ZNF680: variants seen among roughly 807,000 people sequenced by gnomAD.
The protein encoded by ZNF680 is zinc finger protein 680.
Under a neutral mutation model 12.1 loss-of-function variants are expected in ZNF680, and 6 were observed. That is an observed-to-expected ratio of 0.49 (90% CI 0.27 to 0.98). ZNF680 has a LOEUF of 0.98. Among genes scored for constraint, ZNF680 ranks in the 50% least tolerant of loss-of-function variants. The pLI is 0.12. For synonymous variants in ZNF680, 170 were observed against 199.3 expected (o/e 0.85, Z 1.24); for missense variants, 561 against 616.3 (o/e 0.91, Z 0.95).
intron 3 of ZNF680, among the ~76,000 whole-genome samples, chr7:64,535,084 C>T (rs1786089743): frequency 6.6e-6 from 1 of 151,790 alleles, no homozygotes; most frequent in African/African-American, 2.4e-5. Flanking sequence ...ATGAGTGCAC[C>T]AAAATCTAAA....
the ZNF680 span, chr7:64,501,109 G>C: frequency 1.0e-6 from 1 of 975,074 alleles, no homozygotes; most frequent in African/African-American, 1.6e-5. Flanking sequence ...AGGAAAAGCA[G>C]GTGTGAAATG....
chr7:64,531,388 G>A (rs112871256), intron 3 of ZNF680, among the ~76,000 whole-genome samples: 7,502 of 152,134 alleles, frequency 0.049, 469 homozygotes, highest in East Asian at 0.33. Context: ...GAGGTCAGGA[G>A]ATCAAGACCA....
the ZNF680 span, among the ~76,000 whole-genome samples, chr7:64,513,803 A>C: frequency 2.6e-5 from 4 of 151,882 alleles, no homozygotes; most frequent in African/African-American, 9.7e-5. Flanking sequence ...TTGCCACCAC[A>C]CCCAGCTACT....
chr7:64,556,670 TG>T (rs1468811256), intron 1 of ZNF680, among the ~76,000 whole-genome samples: 3 of 152,172 alleles, frequency 2.0e-5, no homozygotes, highest in Admixed American at 6.5e-5. Context: ...AACATACAAT[TG>T]TAAAAAACCC....
intron 1 of ZNF680, among the ~76,000 whole-genome samples, chr7:64,551,103 T>G (rs1787052494): frequency 6.6e-6 from 1 of 152,180 alleles, no homozygotes. Flanking sequence ...CACCATGTCA[T>G]GCATAGTTCA....
At chr7:64,562,336 C>G (rs1389722455) in intron 1 of ZNF680, among the ~76,000 whole-genome samples, 1 of 151,998 alleles carries the variant, frequency 6.6e-6, no homozygotes. Context: ...TGCCAAGTAC[C>G]CTCCGATTAC....
At chr7:64,501,496 T>C in the ZNF680 span, 6 of 819,484 alleles carry the variant, frequency 7.3e-6, no homozygotes, top group South Asian at 4.0e-5. Context: ...AAACAAGCAG[T>C]AGAGATGAAG....
At chr7:64,516,380 C>T (rs181367723), downstream of ZNF680, among the ~76,000 whole-genome samples, 322 of 152,274 alleles carry the variant, frequency 2.1e-3, 3 homozygotes, top group African/African-American at 7.4e-3. Context: ...CAAATAGCTC[C>T]TGTAGGACCT....
the ZNF680 span, among the ~76,000 whole-genome samples, chr7:64,513,343 T>TA: frequency 0.028 from 4,201 of 147,558 alleles, 118 homozygotes; most frequent in African/African-American, 0.064. Context: ...AAGCAAATTG[T>TA]AAAAAAAAAA....
chr7:64,509,809 TCA>T, the ZNF680 span, among the ~76,000 whole-genome samples: 1 of 152,020 alleles, frequency 6.6e-6, no homozygotes, highest in Non-Finnish European at 1.5e-5. Context: ...GCAGCACCTA[TCA>T]TGGTAGCCTG....
chr7:64,554,459 G>A (rs929974460), intron 1 of ZNF680, among the ~76,000 whole-genome samples: 1 of 152,074 alleles, frequency 6.6e-6, no homozygotes, highest in Non-Finnish European at 1.5e-5. Flanking sequence ...AGGTGGGGGG[G>A]CGCCTCTGAC....
the ZNF680 span, among the ~76,000 whole-genome samples, chr7:64,504,153 T>C: frequency 1.3e-5 from 2 of 152,256 alleles, no homozygotes; most frequent in African/African-American, 2.4e-5. Flanking sequence ...TCTATAGTTA[T>C]GCAATACCAA....
At chr7:64,545,652 G>A (rs917510759) in intron 1 of ZNF680, among the ~76,000 whole-genome samples, 6 of 152,100 alleles carry the variant, frequency 3.9e-5, no homozygotes, top group Non-Finnish European at 8.8e-5. Flanking sequence ...CAAAATACAG[G>A]TATCTCCTAT....
chr7:64,538,611 T>A (rs1320954839), intron 3 of ZNF680, among the ~76,000 whole-genome samples: 1 of 152,174 alleles, frequency 6.6e-6, no homozygotes, highest in Admixed American at 6.5e-5. Context: ...CTAGAAAACA[T>A]CAAATCAGTT....
chr7:64,512,141 A>T, the ZNF680 span, among the ~76,000 whole-genome samples: 1 of 150,782 alleles, frequency 6.6e-6, no homozygotes, highest in Non-Finnish European at 1.5e-5. Flanking sequence ...CTCTTCATAA[A>T]TCTTTTCTAA....
At chr7:64,539,798 C>T (rs182036966) in intron 3 of ZNF680, among the ~76,000 whole-genome samples, 156 of 152,254 alleles carry the variant, frequency 1.0e-3, no homozygotes, top group East Asian at 9.7e-4. Flanking sequence ...CAAGTGCACA[C>T]CACCATGCCT....
At chr7:64,531,614 A>C (rs1014578770) in intron 3 of ZNF680, among the ~76,000 whole-genome samples, 25 of 151,564 alleles carry the variant, frequency 1.6e-4, no homozygotes, top group Non-Finnish European at 2.7e-4. Flanking sequence ...AAAAAAAAAA[A>C]ACCTAGAAAT....
chr7:64,526,761 A>G (rs1299475070), intron 3 of ZNF680, among the ~76,000 whole-genome samples: 1 of 152,216 alleles, frequency 6.6e-6, no homozygotes, highest in Non-Finnish European at 1.5e-5. Context: ...AGTTTTTAAC[A>G]TCAACAAAAA....
chr7:64,539,373 A>AAAAAAAAAAAAAAAAAAAAAT (rs1786371698), intron 3 of ZNF680, among the ~76,000 whole-genome samples: 1 of 57,044 alleles, frequency 1.8e-5, no homozygotes, highest in African/African-American at 8.4e-5. Context: ...AAAAAAAAAA[A>AAAAAAAAAAAAAAAAAAAAAT]AAGAAAAGAA....
Sources: gnomAD v4.1 joint callset for allele counts (sites outside exome capture counted in the v4.1 genomes callset) on GRCh38, gnomAD v4.1.1 for gene constraint, MANE v1.5 for transcripts, NCBI Gene and HGNC (gene_info 2026-07-23, HGNC 2026-07-21) for gene names.